The following TMEM145 variants were observed in gnomAD, a reference collection of about 807,000 sequenced individuals.
TMEM145 encodes transmembrane protein 145.
Under a neutral mutation model 68.5 loss-of-function variants are expected in TMEM145, and 46 were observed. That is an observed-to-expected ratio of 0.67 (90% CI 0.53 to 0.86). The LOEUF (loss-of-function observed/expected upper bound fraction) is 0.86, where lower values mean the gene tolerates loss of function less well. TMEM145 is among the 40% of genes least tolerant of loss of function. The pLI is 0.00. For synonymous variants in TMEM145, 255 were observed against 280.2 expected (o/e 0.91, Z 0.90); for missense variants, 570 against 645.8 (o/e 0.88, Z 1.27).
chr19:42,314,910 G>A (rs1225671483), intron 5 of TMEM145, 59 bp downstream of exon 5: 1 of 1,613,846 alleles, frequency 6.2e-7, no homozygotes, highest in East Asian at 2.2e-5. Flanking sequence ...GGCTGGGGTG[G>A]CCACCTGGAC....
At chr19:42,324,213 G>C in intron 14 of TMEM145, 1 of 974,140 alleles carries the variant, frequency 1.0e-6, no homozygotes, top group Non-Finnish European at 1.2e-6. Flanking sequence ...AGGGGGACGG[G>C]CCTTCGGGGC....
At chr19:42,319,757 CTTTT>C (rs111353949) in intron 12 of TMEM145, among the ~76,000 whole-genome samples, 3 of 102,584 alleles carry the variant, frequency 2.9e-5, no homozygotes, top group African/African-American at 3.6e-5. Flanking sequence ...CTGATTTCTT[CTTTT>C]TTTTTTTTTT....
chr19:42,315,341 G>A (rs1236857792), intron 7 of TMEM145, 31 bp from the exon 8 acceptor site: 1 of 1,614,002 alleles, frequency 6.2e-7, no homozygotes, highest in Non-Finnish European at 8.5e-7. Context: ...CTTTCTGCCT[G>A]TGGACAGCCT....
rs745610369 is a variant in TMEM145, at chr19:42,315,359, C to T, written c.578-13C>T. ...TCTGCCTGTGGACAGCCTTTCCCTA[C>T]CTTGCTTCCTAGATTTGCTGAAAGG... On this transcript the variant is annotated splice_polypyrimidine_tract_variant and intron_variant, in intron 7 of 14. Coordinates refer to ENST00000301204, the MANE Select transcript of TMEM145 (RefSeq NM_173633.3). 4 of 1,614,048 alleles carry T rather than the reference C, an allele frequency of 2.5e-6. No individual in the cohort carries two copies. Among genetic ancestry groups the T allele is most frequent in the African/African-American group, 1.3e-5 (1 of 74,912 alleles).
chr19:42,324,973 T>G lies in TMEM145; in HGVS notation c.*156T>G. The G allele has an allele frequency of 8.3e-7, 1 of 1,209,472 alleles. No individual in the cohort carries two copies. The highest frequency in any genetic ancestry group is 1.0e-6 in the Non-Finnish European group (1 of 955,308). The allele number at this position is 1,209,472 out of a possible 1,614,324, so 74.9% of individuals were successfully genotyped here. A position where few individuals can be genotyped will look rare whatever the true frequency, so the allele number is the denominator to read the frequency against. On this transcript the variant is annotated 3_prime_UTR_variant, in exon 15 of 15. Transcript: ENST00000301204. The stretch of plus-strand genomic sequence containing the variant: ...TCGGACCCGTACTCCATCTGCCGCA[T>G]CTCCATTCCGGGGGCCTTCCCTCGG...
chr19:42,315,177 C>A lies in TMEM145; in HGVS notation c.506-11C>A. On this transcript the variant is annotated splice_polypyrimidine_tract_variant and intron_variant, in intron 6 of 14. Transcript: ENST00000301204. The stretch of plus-strand genomic sequence containing the variant: ...CCTGAATGAACCTTACTCCTCCTAC[C>A]AAATCGGCAGGGATCCTGGAGACAG... 1 of 1,611,996 alleles carries A rather than the reference C, an allele frequency of 6.2e-7. No homozygotes were observed.
At chr19:42,321,085 C>A (rs2038906784) in intron 13 of TMEM145, 1 of 399,216 alleles carries the variant, frequency 2.5e-6, no homozygotes. Context: ...GCCTTCCCCA[C>A]CCTCCTTGAT....
chr19:42,315,781 T>C (rs911706228), intron 8 of TMEM145, among the ~76,000 whole-genome samples: 7 of 151,866 alleles, frequency 4.6e-5, no homozygotes, highest in Non-Finnish European at 8.8e-5. Context: ...CCTGTAATCC[T>C]AGCACTTGGG....
intron 12 of TMEM145, among the ~76,000 whole-genome samples, chr19:42,318,707 A>G (rs780366244): frequency 2.9e-4 from 44 of 149,838 alleles, no homozygotes; most frequent in Non-Finnish European, 5.5e-4. Flanking sequence ...AAAAAACAGG[A>G]TCTCCTCAAA....
chr19:42,316,630 G>A, intron 9 of TMEM145, 32 bp from the exon 10 acceptor site: 1 of 1,613,740 alleles, frequency 6.2e-7, no homozygotes, highest in Non-Finnish European at 8.5e-7. Flanking sequence ...TCTGAGCCTG[G>A]CTCTGAGCCG....
chr19:42,320,360 AT>A lies in TMEM145; in HGVS notation c.1118del (p.Ile373ThrfsTer26), dbSNP rs2038899669. The A allele has an allele frequency of 1.2e-6, 2 of 1,614,032 alleles. No homozygotes were observed. Among genetic ancestry groups the A allele is most frequent in the Admixed American group, 3.3e-5 (2 of 60,002 alleles). ...CATGGCCCTGATTGCCAATTTCGGCATCCCCAAGTGGGCCCGGGAGAAGATT... is the reference window on the plus strand; with the variant it reads ...CATGGCCCTGATTGCCAATTTCGGCACCCCAAGTGGGCCCGGGAGAAGATT... ...PVMALIANFG[I>X]PKWAREKIVN... On this transcript the variant is annotated frameshift_variant, in exon 13 of 15. Transcript: ENST00000301204. LOFTEE classifies it high-confidence loss of function.
At chr19:42,324,268 C>T (rs1414544888) in intron 14 of TMEM145, 5 of 985,174 alleles carry the variant, frequency 5.1e-6, no homozygotes, top group Non-Finnish European at 4.8e-6. Flanking sequence ...GACCCTGACC[C>T]CCCTCCCAGG....
chr19:42,316,180 G>A (rs1304144508), intron 8 of TMEM145, among the ~76,000 whole-genome samples: 1 of 146,394 alleles, frequency 6.8e-6, no homozygotes, highest in Admixed American at 6.8e-5. Context: ...CTGGGGGCCT[G>A]AGCCCCTGGG....
rs2038827805 is a variant in TMEM145, at chr19:42,313,904, A to G, written c.121-368A>G. ...CCCGCGCGGGATGGTCTTTGGGAGC[A>G]CGGGGTGGGGTGCAGGGGAGTGTGG... On this transcript the variant is annotated intron_variant, in intron 1 of 14. Coordinates refer to ENST00000301204, the MANE Select transcript of TMEM145 (RefSeq NM_173633.3). This position sits in a 1 kb window ranked among gnomAD's most constrained non-coding sequence, Gnocchi z 5.1. Among the ~76,000 whole-genome samples the G allele has an allele frequency of 6.6e-6, 1 of 151,914 alleles. No individual in the cohort carries two copies. The highest frequency in any genetic ancestry group is 1.5e-5 in the Non-Finnish European group (1 of 67,972).
rs748579598 is a variant in TMEM145, at chr19:42,314,977, T to C, written c.421-16T>C. 4.3e-6 allele frequency: 7 copies of C among 1,613,846 alleles called. No individual in the cohort carries two copies. The highest frequency in any genetic ancestry group is 5.9e-6 in the Non-Finnish European group (7 of 1,179,906). ...ACTTGCCCAGGGCCCCCCTTAGGCCTCCCTACCCCCCACAGGGTGATGGAT... is the reference window on the plus strand; with the variant it reads ...ACTTGCCCAGGGCCCCCCTTAGGCCCCCCTACCCCCCACAGGGTGATGGAT... On this transcript the variant is annotated splice_polypyrimidine_tract_variant and intron_variant, in intron 5 of 14. Coordinates refer to ENST00000301204, the MANE Select transcript of TMEM145 (RefSeq NM_173633.3).
At chr19:42,316,371 G>T (rs1280306133) in intron 8 of TMEM145, 110 bp from the exon 9 acceptor site, 15 of 1,017,756 alleles carry the variant, frequency 1.5e-5, no homozygotes, top group Non-Finnish European at 2.3e-5. Flanking sequence ...AGAAGGTCTG[G>T]AGTCCTAAGG....
intron 12 of TMEM145, among the ~76,000 whole-genome samples, chr19:42,318,132 C>T (rs944724412): frequency 6.6e-6 from 1 of 152,024 alleles, no homozygotes; most frequent in Non-Finnish European, 1.5e-5. Flanking sequence ...CTTTGGGAGG[C>T]CGAGGTGGGC....
chr19:42,314,066 G>A (rs912711640), intron 1 of TMEM145, among the ~76,000 whole-genome samples: 2 of 151,930 alleles, frequency 1.3e-5, no homozygotes, highest in African/African-American at 2.4e-5. Context: ...AGGAAACTTG[G>A]GGGGGCAATG....
chr19:42,324,598 C>T (rs948093137), intron 14 of TMEM145, 139 bp from the exon 15 acceptor site: 1 of 1,370,430 alleles, frequency 7.3e-7, no homozygotes, highest in South Asian at 1.7e-5. Flanking sequence ...TGCTTTATCC[C>T]GGCCCGAGAG....
Sources: allele counts gnomAD v4.1 joint callset (sites outside exome capture counted in the v4.1 genomes callset), GRCh38; gene constraint gnomAD v4.1.1; non-coding constraint Gnocchi (gnomAD v3.1); transcripts MANE v1.5; gene names NCBI Gene and HGNC (gene_info 2026-07-23, HGNC 2026-07-21).